The following POLRMT variants were observed in gnomAD, a reference collection of about 807,000 sequenced individuals.
POLRMT encodes the protein DNA-directed RNA polymerase, mitochondrial.
A neutral mutation model predicts 132.2 loss-of-function variants in POLRMT; 114 were observed. That is an observed-to-expected ratio of 0.86 (90% CI 0.74 to 1.01). The LOEUF is 1.01. POLRMT is among the 50% of genes least tolerant of loss of function. The probability of loss-of-function intolerance (pLI) is 0.00; values close to 1 mark genes in which losing one functional copy is unlikely to be tolerated. For synonymous variants in POLRMT, 1,020 were observed against 773.4 expected (o/e 1.32, Z -5.29); for missense variants, 2,003 against 1,729.1 (o/e 1.16, Z -2.81).
At chr19:625,083 G>A in intron 4 of POLRMT, 41 bp downstream of exon 4, 4 of 1,595,212 alleles carry the variant, frequency 2.5e-6, no homozygotes, top group Non-Finnish European at 3.4e-6. Flanking sequence ...AACCCTGGGA[G>A]GGACATGGTG....
intron 3 of POLRMT, among the ~76,000 whole-genome samples, chr19:627,134 A>G (rs898131259): frequency 1.4e-4 from 20 of 146,942 alleles, no homozygotes; most frequent in Admixed American, 5.5e-4. Context: ...GACCAGAGAC[A>G]TGAGTTTTGG....
chr19:622,128 C>T (rs1984658381), intron 9 of POLRMT, 21 bp downstream of exon 9: 1 of 1,526,582 alleles, frequency 6.6e-7, no homozygotes, highest in South Asian at 1.2e-5. Context: ...CCCCCCAGCT[C>T]AGGAGGGCAC....
chr19:622,670 A>G lies in POLRMT; in HGVS notation c.1538T>C (p.Val513Ala), dbSNP rs1984711792. The G allele has an allele frequency of 6.2e-7, 1 of 1,606,354 alleles. No individual in the cohort carries two copies. The stretch of plus-strand genomic sequence containing the variant: ...GCCACTGACCCGCTGCCTCTGCACC[A>G]CGTGCCGGCTGAAAGTGCGCGCACT... ...ELSARTFSRH[V>A]VQRQRVSGQV... Residue 513 changes from valine to alanine, a missense_variant, in exon 8 of 21, where the codon GTG becomes GCG. Transcript: ENST00000588649.
rs1330470527 is a variant in POLRMT at position 621,462 on chromosome 19, G to T, written c.2236C>A (p.Leu746Met). 7.2e-7 allele frequency: 1 copy of T among 1,379,784 alleles called. No individual in the cohort carries two copies. The highest frequency in any genetic ancestry group is 9.3e-7 in the Non-Finnish European group (1 of 1,074,882). The allele number at this position is 1,379,784 out of a possible 1,614,324, so 85.5% of individuals were successfully genotyped here. A position where few individuals can be genotyped will look rare whatever the true frequency, so the allele number is the denominator to read the frequency against. Residue 746 changes from leucine to methionine, a missense_variant, in exon 10 of 21, where the codon CTG becomes ATG. Leu to Met is a conservative substitution (Grantham distance 15). Transcript: ENST00000588649. ...CGGGCGGGCGCGGCGCTGTGCGGCA[G>T]GTGGGCCTCGGGCGGCTGGGGCGCC... ...SEAPQPPEAH[L>M]PHSAAPARKA...
chr19:627,915 A>T (rs1319221652), intron 3 of POLRMT, among the ~76,000 whole-genome samples: 4 of 127,712 alleles, frequency 3.1e-5, no homozygotes, highest in African/African-American at 8.9e-5. Flanking sequence ...ACAGACAGAG[A>T]GTCTATCTCA....
At chr19:626,274 C>G (rs1170934583) in intron 3 of POLRMT, among the ~76,000 whole-genome samples, 1 of 151,974 alleles carries the variant, frequency 6.6e-6, no homozygotes, top group African/African-American at 2.4e-5. Context: ...GCCTCAGCCT[C>G]CTGAGTAGCT....
Position 621,127 on chromosome 19 carries a change from C to T in POLRMT, c.2571G>A (p.Leu857=). ...CCTCCGCAAAGGCCAGGCGCTTCCG[C>T]AGCGGCTCCCGCTTCTTCAACCCCG... ...NLTGLKKREP[L]RKRLAFAEEV... Residue 857 remains leucine, a synonymous_variant, in exon 10 of 21, where the codon CTG becomes CTA. Transcript: ENST00000588649. The T allele has an allele frequency of 6.2e-7, 1 of 1,610,682 alleles. No individual in the cohort carries two copies. Among genetic ancestry groups the T allele is most frequent in the Non-Finnish European group, 8.5e-7 (1 of 1,178,726 alleles).
Position 622,755 on chromosome 19 carries a change from G to A in POLRMT, c.1456-3C>T. The A allele has an allele frequency of 1.3e-6, 2 of 1,582,382 alleles. No homozygotes were observed. Among genetic ancestry groups the A allele is most frequent in the Non-Finnish European group, 1.7e-6 (2 of 1,166,162 alleles). ...TGGGCGGGCAGCGCCTGCAGGACCT[G>A]CGGAAGGCAGCCGTGAGTGCCTGCC... is the stretch of plus-strand genomic sequence containing the variant. On this transcript the variant is annotated splice_region_variant and splice_polypyrimidine_tract_variant and intron_variant, in intron 7 of 20. Transcript: ENST00000588649.
chr19:620,932 CAGGGGAGGGGG>C (rs1984503163), intron 10 of POLRMT, 115 bp downstream of exon 10: 1 of 249,740 alleles, frequency 4.0e-6, no homozygotes, highest in Non-Finnish European at 6.2e-6. Context: ...CAGGGGGCGC[CAGGGGAGGGGG>C]AGGGGAGGAG....
At chr19:627,913 A>T (rs1399843940) in intron 3 of POLRMT, among the ~76,000 whole-genome samples, 2 of 136,412 alleles carry the variant, frequency 1.5e-5, no homozygotes, top group South Asian at 2.6e-4. Flanking sequence ...CAACAGACAG[A>T]GAGTCTATCT....
At position 621,521 on chromosome 19, in the gene POLRMT, C is replaced by T. The variant is rs562147939; in HGVS notation, c.2177G>A (p.Cys726Tyr). The T allele has an allele frequency of 1.4e-6, 2 of 1,389,802 alleles. No individual in the cohort carries two copies. Among genetic ancestry groups the T allele is most frequent in the East Asian group, 3.0e-5 (1 of 33,344 alleles). The allele number at this position is 1,389,802 out of a possible 1,614,324, so 86.1% of individuals were successfully genotyped here. A position where few individuals can be genotyped will look rare whatever the true frequency, so the allele number is the denominator to read the frequency against. The change falls in exon 10 of 21, where the codon TGC (cysteine) becomes TAC (tyrosine). Residue 726 changes from cysteine (C) to tyrosine (Y), a missense_variant. Transcript: ENST00000588649. ...CGGGGCCGGCACGCCTAGCTGGGGG[C>T]AGCCCTTGGCCTGGAAGAGCTGCAG... is the stretch of plus-strand genomic sequence containing the variant. Reference protein sequence around the residue: ...LVLQLFQAKGCPQLGVPAPPS... With the variant: ...LVLQLFQAKGYPQLGVPAPPS...
At position 617,769 on chromosome 19, in the gene POLRMT, G is replaced by C; in HGVS notation, c.3495+8C>G. ...ATGGGTGGACTGAGGCTCAGACTAC[G>C]GGGGCACCTGGTTCATGACGGAGAC... On this transcript the variant is annotated splice_region_variant and intron_variant, in intron 18 of 20. Coordinates refer to ENST00000588649, the MANE Select transcript of POLRMT (RefSeq NM_005035.4). 1 of 1,613,020 alleles carries C rather than the reference G, an allele frequency of 6.2e-7. No individual in the cohort carries two copies. The highest frequency in any genetic ancestry group is 8.5e-7 in the Non-Finnish European group (1 of 1,179,700).
rs1298786455 is a variant in POLRMT, at chr19:621,762, C to T, written c.1936G>A (p.Val646Ile). 8 of 1,601,390 alleles carry T rather than the reference C, an allele frequency of 5.0e-6. No individual in the cohort carries two copies. Among genetic ancestry groups the T allele is most frequent in the African/African-American group, 1.3e-5 (1 of 75,046 alleles). Residue 646 changes from valine (V) to isoleucine (I), a missense_variant, in exon 10 of 21, where the codon GTA becomes ATA. Val to Ile is a conservative substitution (Grantham distance 29). Transcript: ENST00000588649. ...GGCAGCGGGGGGCAAAGCATGGGTA[C>T]ATCCACCGCCTCGAAGGTCAGCGTG... ...EPTLTFEAVD[V>I]PMLCPPLPWT...
At position 623,441 on chromosome 19, in the gene POLRMT, G is replaced by A; in HGVS notation, c.1290+13C>T. 1 of 1,610,182 alleles carries A rather than the reference G, an allele frequency of 6.2e-7. No individual in the cohort carries two copies. Among genetic ancestry groups the A allele is most frequent in the Non-Finnish European group, 8.5e-7 (1 of 1,179,594 alleles). On this transcript the variant is annotated intron_variant, in intron 6 of 20. Transcript: ENST00000588649. ...CCCCTGCGGCGGACACGGGACCCCG[G>A]CTCAGCCCCTACCGCGTGCTTGACC... is the stretch of plus-strand genomic sequence containing the variant.
Position 629,535 on chromosome 19 carries a change from C to G in POLRMT, c.822+5G>C. ...GCAGGTGGCCCGGCTCCCGGCTGCA[C>G]TCACCTGCCGCGCCCAGCCAAGCAT... is the stretch of plus-strand genomic sequence containing the variant. On this transcript the variant is annotated splice_donor_5th_base_variant and intron_variant, in intron 3 of 20. Transcript: ENST00000588649. The G allele has an allele frequency of 6.6e-7, 1 of 1,514,584 alleles. No individual in the cohort carries two copies. The highest frequency in any genetic ancestry group is 8.8e-7 in the Non-Finnish European group (1 of 1,131,916). The allele number at this position is 1,514,584 out of a possible 1,614,324, so 93.8% of individuals were successfully genotyped here.
chr19:622,593 A>C lies in POLRMT; in HGVS notation c.1615T>G (p.Ser539Ala), dbSNP rs1472333745. 1 of 1,601,392 alleles carries C rather than the reference A, an allele frequency of 6.2e-7. No homozygotes were observed. The highest frequency in any genetic ancestry group is 2.2e-5 in the East Asian group (1 of 44,606). ...GGTGCGAGCCTCACCTCGGCGTCGG[A>C]GGCCAGCAAGCAGAGGTACTTCCTG... ...HYRKYLCLLASDAEVPEPCLP... is the reference protein window; with the variant it reads ...HYRKYLCLLAADAEVPEPCLP... Residue 539 changes from serine (S) to alanine (A), a missense_variant, in exon 8 of 21, where the codon TCC becomes GCC. Coordinates refer to ENST00000588649, the MANE Select transcript of POLRMT (RefSeq NM_005035.4).
rs55749356 is a variant in POLRMT, at chr19:632,545, G to A, written c.193+289C>T. Among the ~76,000 whole-genome samples the A allele has an allele frequency of 6.5e-4, 99 of 151,248 alleles. No individual in the cohort carries two copies. The East Asian group carries it at 8.6e-3, about 13-fold the overall frequency. On this transcript the variant is annotated intron_variant, in intron 2 of 20. Coordinates refer to ENST00000588649, the MANE Select transcript of POLRMT (RefSeq NM_005035.4). ...GCCTTGGCGGCGGGGCCGGGGGGGG[G>A]GTCTCTCCAGACATAATCTTGGGCC...
chr19:622,046 C>G (rs1435803788), intron 9 of POLRMT, 103 bp downstream of exon 9: 1 of 1,226,024 alleles, frequency 8.2e-7, no homozygotes, highest in Non-Finnish European at 1.1e-6. Flanking sequence ...GAGGTACTGA[C>G]GGCTGCGCTG....
In POLRMT at chr19:621,757, G is replaced by A. The variant is rs780783707; in HGVS notation, c.1941C>T (p.Pro647=). ...PTLTFEAVDV[P]MLCPPLPWTS... ...TCCAGGGCAGCGGGGGGCAAAGCATGGGTACATCCACCGCCTCGAAGGTCA... is the reference window on the plus strand; with the variant it reads ...TCCAGGGCAGCGGGGGGCAAAGCATAGGTACATCCACCGCCTCGAAGGTCA... The change falls in exon 10 of 21, where the codon CCC becomes CCT. Residue 647 remains proline (P), a synonymous_variant. Transcript: ENST00000588649. 6.2e-6 allele frequency: 10 copies of A among 1,601,368 alleles called. No homozygotes were observed. The highest frequency in any genetic ancestry group is 3.3e-5 in the Admixed American group (2 of 59,968).
Sources: allele counts gnomAD v4.1 joint callset (sites outside exome capture counted in the v4.1 genomes callset), GRCh38; gene constraint gnomAD v4.1.1; transcripts MANE v1.5; gene names NCBI Gene and HGNC (gene_info 2026-07-23, HGNC 2026-07-21).